Variants in SPATA16 observed in about 807,000 individuals in gnomAD.
SPATA16 encodes the protein spermatogenesis-associated protein 16.
Under a neutral mutation model 63.3 loss-of-function variants are expected in SPATA16, and 36 were observed. That is an observed-to-expected ratio of 0.57 (90% CI 0.44 to 0.75). The LOEUF (loss-of-function observed/expected upper bound fraction) is 0.75. Ranked by LOEUF, SPATA16 falls within the 30% of genes least tolerant of loss-of-function variation. SPATA16 has a pLI of 0.00. For missense variants in SPATA16, 646 were observed against 679.3 expected, an observed-to-expected ratio of 0.95 and a Z score of 0.54; for synonymous variants, 203 against 216.7, an observed-to-expected ratio of 0.94 and a Z score of 0.56.
chr3:172,952,632 A>G (rs1577103679), intron 6 of SPATA16, among the ~76,000 whole-genome samples: 1 of 152,164 alleles, frequency 6.6e-6, no homozygotes, highest in South Asian at 2.1e-4. Context: ...TTCTAGATGT[A>G]TGACTGAGGT....
At chr3:172,987,195 T>C (rs1215430606) in intron 4 of SPATA16, among the ~76,000 whole-genome samples, 1 of 152,216 alleles carries the variant, frequency 6.6e-6, no homozygotes, top group Non-Finnish European at 1.5e-5. Context: ...AAAAGGATAA[T>C]GGGCTCGGCC....
At chr3:173,075,460 C>G (rs1736777203) in intron 2 of SPATA16, among the ~76,000 whole-genome samples, 9 of 152,044 alleles carry the variant, frequency 5.9e-5, no homozygotes, top group Admixed American at 5.9e-4. Flanking sequence ...ATCAGTATAT[C>G]AAAGAGATAT....
chr3:172,890,101 C>T (rs758792451), intron 10 of SPATA16, among the ~76,000 whole-genome samples: 21 of 152,300 alleles, frequency 1.4e-4, no homozygotes, highest in Non-Finnish European at 3.1e-4. Flanking sequence ...TTACCTCCTT[C>T]AAAGCCAGAG....
intron 4 of SPATA16, among the ~76,000 whole-genome samples, chr3:173,007,916 A>C (rs1312114648): frequency 6.6e-6 from 1 of 152,184 alleles, no homozygotes; most frequent in East Asian, 1.9e-4. Flanking sequence ...TTAGGGTAAG[A>C]GTTTGCTAAA....
intron 10 of SPATA16, among the ~76,000 whole-genome samples, chr3:172,898,999 T>C (rs1224547957): frequency 6.6e-6 from 1 of 151,998 alleles, no homozygotes; most frequent in East Asian, 1.9e-4. Context: ...TTTTCTTTTA[T>C]TGACTTCTAG....
chr3:172,998,963 A>G (rs1734755367), intron 4 of SPATA16, among the ~76,000 whole-genome samples: 1 of 151,980 alleles, frequency 6.6e-6, no homozygotes, highest in African/African-American at 2.4e-5. Flanking sequence ...TTTGTTGAAG[A>G]TTTTTGTTCA....
intron 2 of SPATA16, among the ~76,000 whole-genome samples, chr3:173,079,901 A>G (rs1736887561): frequency 6.6e-6 from 1 of 152,184 alleles, no homozygotes; most frequent in African/African-American, 2.4e-5. Flanking sequence ...GGATATGTAA[A>G]GGAAAACCAG....
Position 173,019,478 on chromosome 3 carries a change from A to G in SPATA16, c.848+8T>C, listed in dbSNP as rs1422268383. The G allele has an allele frequency of 6.2e-7, 1 of 1,612,828 alleles. No individual in the cohort carries two copies. The highest frequency in any genetic ancestry group is 8.5e-7 in the Non-Finnish European group (1 of 1,178,906). On this transcript the variant is annotated splice_region_variant and intron_variant, in intron 4 of 10. Coordinates refer to ENST00000351008, the MANE Select transcript of SPATA16 (RefSeq NM_031955.6). ...TATAAATCCTCACAAAAGTTAAAACAAACATACCGGGCAGCCTCTGAATAC... is the reference window on the plus strand; with the variant it reads ...TATAAATCCTCACAAAAGTTAAAACGAACATACCGGGCAGCCTCTGAATAC...
intron 4 of SPATA16, among the ~76,000 whole-genome samples, chr3:172,992,433 A>C (rs1045505134): frequency 1.3e-5 from 2 of 152,100 alleles, no homozygotes; most frequent in Non-Finnish European, 2.9e-5. Flanking sequence ...TAGACAGTGC[A>C]ACAAGAGCTT....
At chr3:173,110,492 T>C (rs1429930997) in intron 2 of SPATA16, among the ~76,000 whole-genome samples, 2 of 152,204 alleles carry the variant, frequency 1.3e-5, no homozygotes, top group Non-Finnish European at 2.9e-5. Flanking sequence ...AACACATAGT[T>C]GGGCAAAATC....
intron 3 of SPATA16, among the ~76,000 whole-genome samples, chr3:173,043,788 C>T (rs981566038): frequency 1.3e-5 from 2 of 151,892 alleles, no homozygotes; most frequent in Non-Finnish European, 2.9e-5. Flanking sequence ...CTACATTTCT[C>T]TTTATTATTC....
At chr3:173,081,857 G>A (rs750133095) in intron 2 of SPATA16, among the ~76,000 whole-genome samples, 65 of 152,128 alleles carry the variant, frequency 4.3e-4, no homozygotes, top group Middle Eastern at 3.2e-3. Flanking sequence ...ATGATGTCAG[G>A]ATTTAGCTTC....
At chr3:172,995,098 G>A (rs764201998) in intron 4 of SPATA16, among the ~76,000 whole-genome samples, 1 of 151,982 alleles carries the variant, frequency 6.6e-6, no homozygotes. Flanking sequence ...GATACTTAAT[G>A]GACAAGGAAA....
rs1288093408 is a variant in SPATA16 at position 173,086,644 on chromosome 3, G to A, written c.612+30476C>T. On this transcript the variant is annotated intron_variant, in intron 2 of 10. Coordinates refer to ENST00000351008, the MANE Select transcript of SPATA16 (RefSeq NM_031955.6). ...TTGCAATGTTAGGATGTCAATTTGA[G>A]ACCTTTCTAGCTTTCTGATGTGGGC... Among the ~76,000 whole-genome samples the A allele has an allele frequency of 3.9e-5, 6 of 152,226 alleles. No homozygotes were observed. In the South Asian group the frequency reaches 6.2e-4, roughly 16 times the overall value.
chr3:173,065,544 AT>A (rs1435490262), intron 2 of SPATA16, among the ~76,000 whole-genome samples: 4 of 152,210 alleles, frequency 2.6e-5, no homozygotes, highest in Non-Finnish European at 4.4e-5. Context: ...AACCAAAAAA[AT>A]ATTAGGTGAG....
At chr3:172,950,170 G>T (rs1733397020) in intron 6 of SPATA16, among the ~76,000 whole-genome samples, 1 of 152,134 alleles carries the variant, frequency 6.6e-6, no homozygotes, top group Non-Finnish European at 1.5e-5. Flanking sequence ...TAGTTTCAGG[G>T]GTTTCAGGTG....
chr3:173,077,258 A>G (rs1227369459), intron 2 of SPATA16, among the ~76,000 whole-genome samples: 3 of 152,140 alleles, frequency 2.0e-5, no homozygotes, highest in African/African-American at 7.2e-5. Context: ...TCTGATTCCA[A>G]GTATACAGTT....
chr3:172,986,139 C>G (rs1432065979), intron 4 of SPATA16, among the ~76,000 whole-genome samples: 1 of 152,144 alleles, frequency 6.6e-6, no homozygotes, highest in Admixed American at 6.6e-5. Context: ...TCTTTAATGT[C>G]TGGACCCCAT....
chr3:172,932,539 T>G (rs541038025), intron 6 of SPATA16, among the ~76,000 whole-genome samples: 1 of 152,210 alleles, frequency 6.6e-6, no homozygotes, highest in Non-Finnish European at 1.5e-5. Flanking sequence ...TCATTACTTC[T>G]TTCTCAATCG....
Sources: allele counts gnomAD v4.1 joint callset (sites outside exome capture counted in the v4.1 genomes callset), GRCh38; gene constraint gnomAD v4.1.1; transcripts MANE v1.5; gene names NCBI Gene and HGNC (gene_info 2026-07-23, HGNC 2026-07-21).